Variants in AP3D1 observed in about 807,000 individuals in gnomAD.
The protein encoded by AP3D1 is AP-3 complex subunit delta-1.
A neutral mutation model predicts 147.6 loss-of-function variants in AP3D1; 51 were observed. That is an observed-to-expected ratio of 0.35 (90% CI 0.28 to 0.44). AP3D1 has a LOEUF of 0.44. AP3D1 is among the 20% of genes least tolerant of loss of function. The probability of loss-of-function intolerance (pLI) is 1.00; values close to 1 mark genes in which losing one functional copy is unlikely to be tolerated. For missense variants in AP3D1, 1,421 were observed against 1,624.2 expected (o/e 0.87, Z 2.15); for synonymous variants, 760 against 663.0 (o/e 1.15, Z -2.25).
chr19:2,156,125 AG>A (rs1349839526), upstream of AP3D1, among the ~76,000 whole-genome samples: 1 of 152,006 alleles, frequency 6.6e-6, no homozygotes, highest in East Asian at 1.9e-4. Context: ...CATCACTGGG[AG>A]TTGGTGGGCT....
chr19:2,146,021 T>C (rs964985483), intron 1 of AP3D1, among the ~76,000 whole-genome samples: 1 of 150,604 alleles, frequency 6.6e-6, no homozygotes, highest in African/African-American at 2.5e-5. Flanking sequence ...AGAAGCTCTG[T>C]GGGGAGCGGG....
chr19:2,150,591 C>T (rs2019479678), intron 1 of AP3D1, among the ~76,000 whole-genome samples: 3 of 152,234 alleles, frequency 2.0e-5, no homozygotes, highest in Non-Finnish European at 4.4e-5. Flanking sequence ...CTCCTGGCAG[C>T]AGCCCCACCT....
chr19:2,109,192 C>T lies in AP3D1; in HGVS notation c.3366G>A (p.Lys1122=), dbSNP rs2018195550. The part of the protein sequence containing the change: ...TTPCYSDAFA[K]LLESGDLSMS... ...TGCTCAAGTCCCCAGACTCCAGCAA[C>T]TTAGCAAAGGCGTCACTGTGGGAGG... Residue 1122 remains lysine (K), a synonymous_variant, in exon 30 of 32, where the codon AAG becomes AAA. Transcript: ENST00000643116. 6.2e-7 allele frequency: 1 copy of T among 1,602,308 alleles called. No homozygotes were observed.
At chr19:2,138,764 T>G in intron 1 of AP3D1, 50 bp from the exon 2 acceptor site, 1 of 1,375,018 alleles carries the variant, frequency 7.3e-7, no homozygotes, top group Non-Finnish European at 1.0e-6. Context: ...CTAAGAGGGC[T>G]GGAATAATGA....
chr19:2,121,584 G>T, intron 12 of AP3D1, 150 bp downstream of exon 12: 1 of 1,184,324 alleles, frequency 8.4e-7, no homozygotes, highest in Non-Finnish European at 1.2e-6. Context: ...GCATGGACCA[G>T]GACTGGCGCC....
At chr19:2,131,020 C>G (rs987839630) in intron 5 of AP3D1, among the ~76,000 whole-genome samples, 1 of 152,264 alleles carries the variant, frequency 6.6e-6, no homozygotes, top group Non-Finnish European at 1.5e-5. Context: ...CACTGCTTTA[C>G]TCTAGAGGAG....
intron 5 of AP3D1, 152 bp downstream of exon 5, chr19:2,132,319 C>T (rs537772768): frequency 4.8e-6 from 3 of 631,406 alleles, no homozygotes; most frequent in Non-Finnish European, 5.6e-6. Context: ...GCCGCTCCAC[C>T]AGCTGACAGT....
chr19:2,133,804 C>T (rs2145125379), intron 4 of AP3D1, among the ~76,000 whole-genome samples: 1 of 149,506 alleles, frequency 6.7e-6, no homozygotes, highest in East Asian at 2.1e-4. Context: ...GCGGGGCCAA[C>T]TGGTTCTTTT....
At chr19:2,155,888 T>C (rs917629148), upstream of AP3D1, among the ~76,000 whole-genome samples, 7 of 151,368 alleles carry the variant, frequency 4.6e-5, no homozygotes, top group African/African-American at 9.7e-5. Context: ...CCATCTCTAC[T>C]AAAAATACAA....
chr19:2,161,155 G>GTTTTTTT (rs58654241), intron 1 of AP3D1, among the ~76,000 whole-genome samples: 1 of 125,380 alleles, frequency 8.0e-6, no homozygotes, highest in Non-Finnish European at 1.7e-5. Flanking sequence ...GCTTCTCCTA[G>GTTTTTTT]TTTTTTTTTT....
intron 24 of AP3D1, chr19:2,112,058 G>A (rs993787307): frequency 1.9e-5 from 12 of 620,046 alleles, no homozygotes; most frequent in Non-Finnish European, 3.3e-5. Flanking sequence ...GCAGCCCGGG[G>A]AACAGTCCCC....
At chr19:2,122,765 G>A (rs1043654865) in intron 11 of AP3D1, among the ~76,000 whole-genome samples, 1 of 152,178 alleles carries the variant, frequency 6.6e-6, no homozygotes, top group African/African-American at 2.4e-5. Flanking sequence ...CTCAGATAAG[G>A]AGGGCCACTC....
chr19:2,116,589 G>C lies in AP3D1; in HGVS notation c.2001+16C>G. 6.4e-7 allele frequency: 1 copy of C among 1,573,548 alleles called. No homozygotes were observed. The highest frequency in any genetic ancestry group is 1.8e-5 in the Admixed American group (1 of 55,390). On this transcript the variant is annotated intron_variant, in intron 17 of 31. Coordinates refer to ENST00000643116, the MANE Select transcript of AP3D1 (RefSeq NM_001261826.3). ...GGGAGGAGACGAGGGCTCGCCAGGGGCAGCCAGCAGCTCACCCGAGCCAGC... is the reference window on the plus strand; with the variant it reads ...GGGAGGAGACGAGGGCTCGCCAGGGCCAGCCAGCAGCTCACCCGAGCCAGC...
upstream of AP3D1, among the ~76,000 whole-genome samples, chr19:2,152,231 G>C (rs1032695207): frequency 6.8e-6 from 1 of 147,538 alleles, no homozygotes; most frequent in African/African-American, 2.7e-5. Context: ...ATACATCATT[G>C]AGATTGTAAA....
chr19:2,141,087 G>T (rs1040574884), intron 1 of AP3D1, among the ~76,000 whole-genome samples: 4 of 152,004 alleles, frequency 2.6e-5, no homozygotes, highest in Non-Finnish European at 5.9e-5. Context: ...TATTAGTTGG[G>T]GTAGGGAGAC....
rs777985586 is a variant in AP3D1, at chr19:2,130,456, G to A, written c.544C>T (p.Arg182Cys). The change falls in exon 6 of 32, where the codon CGC becomes TGC. Residue 182 changes from arginine (R) to cysteine (C), a missense_variant. By Grantham distance (180) the Arg-to-Cys change is radical (BLOSUM62 -3). Coordinates refer to ENST00000643116, the MANE Select transcript of AP3D1 (RefSeq NM_001261826.3). The part of the protein sequence containing the change: ...KVFLKYPESL[R>C]PAFPRLKEKL... ...TCCTTCAGCCGGGGAAAGGCAGGGC[G>A]CAGCGACTCGGGGTACTTCAGGAAC... 1 of 1,614,084 alleles carries A rather than the reference G, an allele frequency of 6.2e-7. No individual in the cohort carries two copies. Among genetic ancestry groups the A allele is most frequent in the Non-Finnish European group, 8.5e-7 (1 of 1,180,018 alleles).
At chr19:2,149,855 T>C (rs1185931308) in intron 1 of AP3D1, among the ~76,000 whole-genome samples, 1 of 152,180 alleles carries the variant, frequency 6.6e-6, no homozygotes, top group Non-Finnish European at 1.5e-5. Context: ...TGAACCACAT[T>C]TCCAATCTGA....
chr19:2,132,491 C>A lies in AP3D1; in HGVS notation c.442G>T (p.Ala148Ser), dbSNP rs1200709958. 1 of 1,608,008 alleles carries A rather than the reference C, an allele frequency of 6.2e-7. No homozygotes were observed. Among genetic ancestry groups the A allele is most frequent in the Non-Finnish European group, 8.5e-7 (1 of 1,175,124 alleles). The change falls in exon 5 of 32, where the codon GCA becomes TCA. Residue 148 changes from alanine (A) to serine (S), a missense_variant. Ala to Ser is a moderately conservative substitution (Grantham distance 99). Around this residue, in one of 6 missense-constraint regions of AP3D1, gnomAD observed 292 missense variants for 412.0 expected, o/e 0.71. Coordinates refer to ENST00000643116, the MANE Select transcript of AP3D1 (RefSeq NM_001261826.3). ...FVTPDLARDLANDIMTLMSHT... is the reference protein window; with the variant it reads ...FVTPDLARDLSNDIMTLMSHT... ...CTCACCAGTGTCATGATGTCATTTG[C>A]CAGGTCTCTGGCAAGGTCTGGGGTG...
At chr19:2,125,802 T>C (rs1365588061) in intron 9 of AP3D1, among the ~76,000 whole-genome samples, 2 of 151,504 alleles carry the variant, frequency 1.3e-5, no homozygotes, top group Non-Finnish European at 2.9e-5. Flanking sequence ...AAATATACCA[T>C]TTTTAATTGT....
Sources: gnomAD v4.1 joint callset for allele counts (sites outside exome capture counted in the v4.1 genomes callset) on GRCh38, gnomAD v4.1.1 for gene constraint, gnomAD v4.1.1 regional missense constraint, MANE v1.5 for transcripts, NCBI Gene and HGNC (gene_info 2026-07-23, HGNC 2026-07-21) for gene names.